Variants in RAD51B observed in about 807,000 individuals in gnomAD.
RAD51B encodes RAD51 paralog B.
In RAD51B, 38 loss-of-function variants were observed where a neutral mutation model predicts 42.2. The observed-to-expected ratio is 0.90, with a 90% CI of 0.70 to 1.18. The LOEUF (loss-of-function observed/expected upper bound fraction) is 1.18. RAD51B is among the 50% of genes most tolerant of loss of function. RAD51B has a pLI of 0.00. For missense variants in RAD51B, 373 were observed against 400.7 expected, an observed-to-expected ratio of 0.93 and a Z score of 0.59; for synonymous variants, 154 against 145.2, an observed-to-expected ratio of 1.06 and a Z score of -0.43.
intron 10 of RAD51B, among the ~76,000 whole-genome samples, chr14:68,587,274 C>T (rs1890535192): frequency 6.6e-6 from 1 of 152,178 alleles, no homozygotes; most frequent in Admixed American, 6.5e-5. Flanking sequence ...CAAACCTGAG[C>T]TCCAGCCTCT....
chr14:68,642,835 T>C (rs1221854110), intron 10 of RAD51B, among the ~76,000 whole-genome samples: 1 of 152,266 alleles, frequency 6.6e-6, no homozygotes, highest in East Asian at 1.9e-4. Context: ...ATTTTTAAAT[T>C]TCGTCTAAGA....
At chr14:67,892,919 C>T (rs747718727) in intron 7 of RAD51B, among the ~76,000 whole-genome samples, 1 of 152,250 alleles carries the variant, frequency 6.6e-6, no homozygotes, top group Non-Finnish European at 1.5e-5. Flanking sequence ...TGGAATCTTG[C>T]ACCTGGTTTC....
At chr14:68,195,996 G>C (rs531231538) in intron 7 of RAD51B, among the ~76,000 whole-genome samples, 1 of 151,252 alleles carries the variant, frequency 6.6e-6, no homozygotes, top group South Asian at 2.1e-4. Flanking sequence ...ACGAGGTCAG[G>C]AGTTCAAGAC....
chr14:67,904,562 G>A (rs1222257233), intron 7 of RAD51B, among the ~76,000 whole-genome samples: 1 of 139,046 alleles, frequency 7.2e-6, no homozygotes, highest in African/African-American at 2.7e-5. Context: ...CCAGGCTGGT[G>A]TGCAGAGGTG....
At chr14:68,576,403 C>T (rs1889963656) in intron 10 of RAD51B, among the ~76,000 whole-genome samples, 1 of 152,200 alleles carries the variant, frequency 6.6e-6, no homozygotes, top group Non-Finnish European at 1.5e-5. Flanking sequence ...GCCTGCCACC[C>T]CCAACCCAGA....
chr14:68,438,642 T>C (rs2085205576), intron 9 of RAD51B, among the ~76,000 whole-genome samples: 1 of 152,202 alleles, frequency 6.6e-6, no homozygotes, highest in Admixed American at 6.5e-5. Flanking sequence ...TAGCACATCA[T>C]GTCATCTCCA....
chr14:68,661,461 G>C (rs1892930911), intron 11 of RAD51B, among the ~76,000 whole-genome samples: 1 of 152,148 alleles, frequency 6.6e-6, no homozygotes, highest in Non-Finnish European at 1.5e-5. Context: ...AAGTGGCCCG[G>C]GGGAAATTCA....
chr14:68,509,017 C>G (rs1335361972), intron 10 of RAD51B, among the ~76,000 whole-genome samples: 1 of 152,208 alleles, frequency 6.6e-6, no homozygotes, highest in Non-Finnish European at 1.5e-5. Context: ...CTAGAAGTGC[C>G]TGAAGGCAAG....
chr14:68,067,176 G>A (rs1466446161), intron 7 of RAD51B, among the ~76,000 whole-genome samples: 1 of 152,078 alleles, frequency 6.6e-6, no homozygotes, highest in African/African-American at 2.4e-5. Flanking sequence ...AATACATAAT[G>A]TTTTGGCTGG....
chr14:67,825,634 TG>T (rs1477989164), intron 3 of RAD51B, 57 bp downstream of exon 3: 4 of 1,350,596 alleles, frequency 3.0e-6, no homozygotes, highest in East Asian at 2.5e-5. Context: ...TCATTAAACA[TG>T]TTTTTTTAGG....
intron 7 of RAD51B, among the ~76,000 whole-genome samples, chr14:68,285,521 G>T (rs932452653): frequency 6.6e-5 from 10 of 152,160 alleles, no homozygotes; most frequent in African/African-American, 1.9e-4. Context: ...CTCTTCTTGC[G>T]TCTCTCTCTG....
downstream of RAD51B, chr14:68,611,666 C>T (rs922005688): frequency 7.7e-6 from 2 of 260,534 alleles, no homozygotes; most frequent in Non-Finnish European, 1.5e-5. Context: ...ACTGTGCAGT[C>T]GCACAGGCAG....
chr14:68,047,830 T>A (rs767518111), intron 7 of RAD51B, among the ~76,000 whole-genome samples: 12 of 152,172 alleles, frequency 7.9e-5, no homozygotes, highest in Non-Finnish European at 1.5e-4. Context: ...AAGCTAGACG[T>A]TTTTCATGGA....
intron 10 of RAD51B, among the ~76,000 whole-genome samples, chr14:68,639,032 A>G (rs1282777345): frequency 2.0e-5 from 3 of 151,836 alleles, no homozygotes; most frequent in African/African-American, 7.3e-5. Context: ...GTTGAGGGGG[A>G]AGGCAGCAAC....
rs1887061622 is a variant in RAD51B at position 68,528,258 on chromosome 14, A to C, written c.1036+60008A>C. 2.6e-5 allele frequency among the ~76,000 whole-genome samples: 4 copies of C among 152,190 alleles called. No individual in the cohort carries two copies. The South Asian group carries it at 8.3e-4, about 32-fold the overall frequency. ...CATTGAGAATGATGTCATTCATCATATTTCCTCTTTCTTTGCCTTTTGCTG... is the reference window on the plus strand; with the variant it reads ...CATTGAGAATGATGTCATTCATCATCTTTCCTCTTTCTTTGCCTTTTGCTG... On this transcript the variant is annotated intron_variant, in intron 10 of 10. Transcript: ENST00000487270.
At chr14:68,106,369 C>T (rs2140567647) in intron 7 of RAD51B, among the ~76,000 whole-genome samples, 1 of 151,954 alleles carries the variant, frequency 6.6e-6, no homozygotes, top group Non-Finnish European at 1.5e-5. Flanking sequence ...TACTTTCTAG[C>T]ATGGTTAATA....
At chr14:68,006,288 A>G (rs1381854655) in intron 7 of RAD51B, among the ~76,000 whole-genome samples, 1 of 152,172 alleles carries the variant, frequency 6.6e-6, no homozygotes, top group Non-Finnish European at 1.5e-5. Context: ...TATGTACTAC[A>G]ACTAGCTTCT....
chr14:68,049,146 G>A (rs1188489548), intron 7 of RAD51B, among the ~76,000 whole-genome samples: 1 of 152,024 alleles, frequency 6.6e-6, no homozygotes, highest in African/African-American at 2.4e-5. Context: ...CTCACAGGTG[G>A]GAATTGAACA....
intron 7 of RAD51B, 75 bp downstream of exon 7, chr14:67,887,279 T>C (rs1465011516): frequency 4.0e-6 from 5 of 1,242,796 alleles, no homozygotes; most frequent in Non-Finnish European, 4.5e-6. Flanking sequence ...TGACTTATGG[T>C]ATCAAATAAT....
Sources: allele counts gnomAD v4.1 joint callset (sites outside exome capture counted in the v4.1 genomes callset), GRCh38; gene constraint gnomAD v4.1.1; transcripts MANE v1.5; gene names NCBI Gene and HGNC (gene_info 2026-07-23, HGNC 2026-07-21).